FOXP2: variants seen among roughly 807,000 people sequenced by gnomAD.
FOXP2 encodes forkhead box P2.
Under a neutral mutation model 115.8 loss-of-function variants are expected in FOXP2, and 12 were observed. The observed-to-expected ratio is 0.10, with a 90% CI of 0.07 to 0.17. The LOEUF is 0.17. FOXP2 is among the 10% of genes least tolerant of loss of function. FOXP2 has a pLI of 1.00. For missense variants in FOXP2, 629 were observed against 843.5 expected (o/e 0.75, Z 3.15); for synonymous variants, 328 against 297.7 (o/e 1.10, Z -1.05).
In FOXP2 at chr7:114,409,203, A is replaced by G. The variant is rs1019434659; in HGVS notation, c.-10-17299A>G. 2.6e-5 allele frequency among the ~76,000 whole-genome samples: 4 copies of G among 152,096 alleles called. No homozygotes were observed. The East Asian group carries it at 7.7e-4, about 29-fold the overall frequency. On this transcript the variant is annotated intron_variant, in intron 2 of 17. Transcript: ENST00000634411. ...GGATCTAATAGCAATTAAATGATTA[A>G]ACTTGTTTAATATATTAAAATTTCT... is the stretch of plus-strand genomic sequence containing the variant.
intron 1 of FOXP2, among the ~76,000 whole-genome samples, chr7:114,228,688 G>A (rs1278185645): frequency 6.6e-6 from 1 of 151,722 alleles, no homozygotes; most frequent in Non-Finnish European, 1.5e-5. Context: ...ATCAGCTTAA[G>A]AGATTGTTAT....
intron 3 of FOXP2, among the ~76,000 whole-genome samples, chr7:114,596,285 G>A (rs1006393615): frequency 1.3e-5 from 2 of 151,930 alleles, no homozygotes; most frequent in African/African-American, 2.4e-5. Flanking sequence ...TGGAGTTTAT[G>A]GCAAGCAATT....
At chr7:114,347,485 C>G (rs933444466) in intron 2 of FOXP2, among the ~76,000 whole-genome samples, 1 of 151,940 alleles carries the variant, frequency 6.6e-6, no homozygotes, top group Admixed American at 6.6e-5. Context: ...TGCTTTCACC[C>G]CAGCCACTTT....
At chr7:114,659,550 T>A in intron 12 of FOXP2, 22 bp from the exon 13 acceptor site, 2 of 1,603,148 alleles carry the variant, frequency 1.2e-6, no homozygotes, top group Non-Finnish European at 1.7e-6. Context: ...TTTATGTCAC[T>A]ATGTATCTTG....
chr7:114,413,532 G>T (rs561047190), upstream of FOXP2, among the ~76,000 whole-genome samples: 1 of 151,998 alleles, frequency 6.6e-6, no homozygotes, highest in South Asian at 2.1e-4. Flanking sequence ...ACTATAAAAT[G>T]AAAAAAATTG....
chr7:114,250,772 C>G (rs1280444607), intron 1 of FOXP2, among the ~76,000 whole-genome samples: 1 of 152,136 alleles, frequency 6.6e-6, no homozygotes, highest in African/African-American at 2.4e-5. Flanking sequence ...ATAGTAGTTT[C>G]TTTTGCTGTG....
At chr7:114,245,830 T>G (rs1795269324) in intron 1 of FOXP2, among the ~76,000 whole-genome samples, 1 of 150,750 alleles carries the variant, frequency 6.6e-6, no homozygotes, top group Non-Finnish European at 1.5e-5. Flanking sequence ...AGAAAAAAAT[T>G]TTTAAGTTCC....
At chr7:114,150,445 C>G (rs1792501058) in intron 1 of FOXP2, among the ~76,000 whole-genome samples, 1 of 151,864 alleles carries the variant, frequency 6.6e-6, no homozygotes, top group South Asian at 2.1e-4. Context: ...ATAAATGTAT[C>G]TTTATATACA....
rs903791263 is a variant in FOXP2 at position 114,659,778 on chromosome 7, T to C, written c.1647+105T>C. On this transcript the variant is annotated intron_variant, in intron 13 of 16. Transcript: ENST00000350908. ...TAAGCAGATTAGTATCTGCTTCCCCTCTTTTTAACCTGCCTCTTGAATGGA... is the reference window on the plus strand; with the variant it reads ...TAAGCAGATTAGTATCTGCTTCCCCCCTTTTTAACCTGCCTCTTGAATGGA... The C allele has an allele frequency of 1.0e-5, 9 of 870,542 alleles. No homozygotes were observed. In the South Asian group the frequency reaches 1.2e-4, roughly 12 times the overall value. The allele number at this position is 870,542 out of a possible 1,614,324, so 53.9% of individuals were successfully genotyped here.
intron 3 of FOXP2, among the ~76,000 whole-genome samples, chr7:114,542,013 C>G (rs1396850493): frequency 6.6e-6 from 1 of 151,950 alleles, no homozygotes; most frequent in Non-Finnish European, 1.5e-5. Context: ...TGATTAAAGA[C>G]AAAAAGTAAA....
At chr7:114,378,753 TCTG>T in intron 2 of FOXP2, among the ~76,000 whole-genome samples, 1 of 141,600 alleles carries the variant, frequency 7.1e-6, no homozygotes, top group East Asian at 2.1e-4. Context: ...ATCACAGCCT[TCTG>T]CTGTCTGGTA....
intron 2 of FOXP2, among the ~76,000 whole-genome samples, chr7:114,381,945 A>G (rs3997266): frequency 0.36 from 54,922 of 151,870 alleles, 10,535 homozygotes; most frequent in African/African-American, 0.43. Context: ...TCTGTTGCCC[A>G]GACTTCAGGA....
chr7:114,514,860 C>T (rs1584833844), intron 2 of FOXP2, among the ~76,000 whole-genome samples: 1 of 151,406 alleles, frequency 6.6e-6, no homozygotes, highest in East Asian at 1.9e-4. Context: ...AAAGCTATCC[C>T]TCCCCCTTCC....
chr7:114,617,112 C>A (rs537376554), intron 3 of FOXP2, among the ~76,000 whole-genome samples: 18 of 152,110 alleles, frequency 1.2e-4, no homozygotes, highest in African/African-American at 3.9e-4. Flanking sequence ...TTTAAAAGAA[C>A]CCCATATATA....
At chr7:114,152,542 T>G in intron 1 of FOXP2, among the ~76,000 whole-genome samples, 1 of 152,294 alleles carries the variant, frequency 6.6e-6, no homozygotes, top group African/African-American at 2.4e-5. Context: ...AAATCTGTTG[T>G]TTTGTCATTT....
intron 2 of FOXP2, among the ~76,000 whole-genome samples, chr7:114,292,872 G>A (rs1291423605): frequency 1.3e-5 from 2 of 152,166 alleles, no homozygotes; most frequent in African/African-American, 4.8e-5. Flanking sequence ...ATTTAGAACA[G>A]TGGTCTAACA....
At chr7:114,634,578 T>C (rs917222874) in intron 6 of FOXP2, among the ~76,000 whole-genome samples, 1 of 151,998 alleles carries the variant, frequency 6.6e-6, no homozygotes, top group Non-Finnish European at 1.5e-5. Flanking sequence ...TTCCATCTCC[T>C]AAGTATATGT....
chr7:114,092,184 G>A (rs1000424756), intron 1 of FOXP2, among the ~76,000 whole-genome samples: 3 of 151,952 alleles, frequency 2.0e-5, no homozygotes, highest in Non-Finnish European at 4.4e-5. Context: ...TTTAATTTCT[G>A]TCATGAAAGA....
chr7:114,691,202 T>A lies in FOXP2; in HGVS notation c.*1276T>A, dbSNP rs1808651318. 1 of 453,960 alleles carries A rather than the reference T, an allele frequency of 2.2e-6. No homozygotes were observed. 28.1% of individuals were successfully genotyped at this position (453,960 alleles called of 1,614,324 possible). On this transcript the variant is annotated 3_prime_UTR_variant, in exon 17 of 17. Transcript: ENST00000350908. ...TATTTTCAGTGGTGAATACATGTTG[T>A]TAGAAGATGTCTTGTATGGTCTTAA...
Sources: allele counts gnomAD v4.1 joint callset (sites outside exome capture counted in the v4.1 genomes callset), GRCh38; gene constraint gnomAD v4.1.1; transcripts MANE v1.5; gene names NCBI Gene and HGNC (gene_info 2026-07-23, HGNC 2026-07-21).